The following DTNA variants were observed in gnomAD, a reference collection of about 807,000 sequenced individuals.
DTNA encodes the protein dystrobrevin alpha, also known as dystrophin-related protein 3.
In DTNA, 43 loss-of-function variants were observed where a neutral mutation model predicts 100.7. The observed-to-expected ratio is 0.43, with a 90% CI of 0.33 to 0.55. The LOEUF (loss-of-function observed/expected upper bound fraction) is 0.55, where lower values mean the gene tolerates loss of function less well. Ranked by LOEUF, DTNA falls within the 20% of genes least tolerant of loss-of-function variation. The pLI is 0.04. For missense variants in DTNA, 798 were observed against 953.9 expected, an observed-to-expected ratio of 0.84 and a Z score of 2.15; for synonymous variants, 349 against 347.9, an observed-to-expected ratio of 1.00 and a Z score of -0.04.
chr18:34,744,251 C>T (rs536725941), intron 1 of DTNA, among the ~76,000 whole-genome samples: 23 of 152,200 alleles, frequency 1.5e-4, no homozygotes, highest in African/African-American at 5.3e-4. Flanking sequence ...CACTAAAAAT[C>T]ACCCCAAATA....
intron 1 of DTNA, among the ~76,000 whole-genome samples, chr18:34,500,107 T>G (rs951616411): frequency 2.6e-5 from 4 of 152,116 alleles, no homozygotes; most frequent in African/African-American, 9.7e-5. Flanking sequence ...AACAAAAAAG[T>G]CTTAATGGGA....
At chr18:34,742,474 G>A (rs2090831033) in intron 1 of DTNA, among the ~76,000 whole-genome samples, 1 of 151,958 alleles carries the variant, frequency 6.6e-6, no homozygotes, top group Non-Finnish European at 1.5e-5. Flanking sequence ...AACACTTTAT[G>A]AGAACTCCAA....
At chr18:34,685,221 A>G (rs189141496) in intron 1 of DTNA, among the ~76,000 whole-genome samples, 9 of 152,282 alleles carry the variant, frequency 5.9e-5, no homozygotes, top group Admixed American at 5.9e-4. Flanking sequence ...GCCCATGCCT[A>G]TGTCCTAAAT....
chr18:34,493,925 G>T (rs1262023879), intron 1 of DTNA: 1 of 148,078 alleles, frequency 6.8e-6, no homozygotes, highest in Non-Finnish European at 1.5e-5. Flanking sequence ...GGACTGCGGC[G>T]CGGCGCCTCC....
intron 3 of DTNA, among the ~76,000 whole-genome samples, chr18:34,771,974 A>C (rs1202511387): frequency 6.6e-6 from 1 of 151,890 alleles, no homozygotes; most frequent in African/African-American, 2.4e-5. Flanking sequence ...TTTTTCAGAA[A>C]TTACTTTGGA....
intron 1 of DTNA, chr18:34,574,085 G>A (rs139461898): frequency 4.6e-5 from 7 of 152,608 alleles, no homozygotes; most frequent in African/African-American, 1.7e-4. Flanking sequence ...CAGTGAAGTG[G>A]ATGTTACATA....
intron 11 of DTNA, among the ~76,000 whole-genome samples, chr18:34,837,763 G>A (rs895979107): frequency 6.6e-6 from 1 of 152,134 alleles, no homozygotes; most frequent in Non-Finnish European, 1.5e-5. Context: ...AGGACTTAGT[G>A]AACTATTGGA....
intron 3 of DTNA, among the ~76,000 whole-genome samples, 193 bp downstream of exon 3, chr18:34,766,234 C>T (rs1345288624): frequency 6.6e-6 from 1 of 152,078 alleles, no homozygotes; most frequent in African/African-American, 2.4e-5. Context: ...TCTGAAAATG[C>T]TTAAATACTA....
At chr18:34,676,386 G>C (rs1204140305) in intron 1 of DTNA, among the ~76,000 whole-genome samples, 2 of 152,140 alleles carry the variant, frequency 1.3e-5, no homozygotes, top group Admixed American at 1.3e-4. Flanking sequence ...CTGGTTCCTA[G>C]CTCCAATCCA....
chr18:34,599,737 T>TA (rs1481046711), intron 1 of DTNA, among the ~76,000 whole-genome samples: 3 of 152,078 alleles, frequency 2.0e-5, no homozygotes, highest in African/African-American at 7.2e-5. Flanking sequence ...CAGGCTAGAG[T>TA]ACAGCTGTCA....
At chr18:34,713,664 G>A (rs1051803364) in intron 1 of DTNA, among the ~76,000 whole-genome samples, 2 of 151,718 alleles carry the variant, frequency 1.3e-5, no homozygotes, top group African/African-American at 4.8e-5. Flanking sequence ...TTCCAATTCT[G>A]TGAAGAAAGG....
chr18:34,578,660 G>T (rs1471602257), intron 1 of DTNA, among the ~76,000 whole-genome samples: 2 of 152,070 alleles, frequency 1.3e-5, no homozygotes, highest in Non-Finnish European at 2.9e-5. Context: ...GAGAGATGAG[G>T]ATCTAGTTTC....
chr18:34,518,936 T>A (rs1294650970), intron 1 of DTNA, among the ~76,000 whole-genome samples: 2 of 151,458 alleles, frequency 1.3e-5, no homozygotes, highest in East Asian at 3.9e-4. Flanking sequence ...GCAGGCAGAG[T>A]AGGTGTAAGC....
chr18:34,597,227 C>G (rs992905035), intron 1 of DTNA, among the ~76,000 whole-genome samples: 4 of 152,156 alleles, frequency 2.6e-5, no homozygotes, highest in African/African-American at 9.6e-5. Flanking sequence ...CCTAGCTGGC[C>G]CCTTTCCTTG....
At chr18:34,577,100 G>A (rs1462814254) in intron 1 of DTNA, among the ~76,000 whole-genome samples, 2 of 152,104 alleles carry the variant, frequency 1.3e-5, no homozygotes, top group African/African-American at 4.8e-5. Flanking sequence ...TTTAAACAAT[G>A]ATTATGCGTT....
At chr18:34,742,629 T>TTCTATTATCTATCTAGATAGATGATAA (rs2090878951) in intron 1 of DTNA, among the ~76,000 whole-genome samples, 1 of 137,690 alleles carries the variant, frequency 7.3e-6, no homozygotes, top group Non-Finnish European at 1.6e-5. Flanking sequence ...TCTGATTATC[T>TTCTATTATCTATCTAGATAGATGATAA]TCTATTATCT....
intron 3 of DTNA, among the ~76,000 whole-genome samples, chr18:34,770,625 A>G (rs2093715757): frequency 6.6e-6 from 1 of 152,194 alleles, no homozygotes; most frequent in Non-Finnish European, 1.5e-5. Flanking sequence ...ACAAGAGGCC[A>G]CTGTCACCCA....
intron 3 of DTNA, among the ~76,000 whole-genome samples, chr18:34,787,016 C>T (rs929335392): frequency 5.3e-5 from 8 of 152,048 alleles, no homozygotes; most frequent in Admixed American, 4.6e-4. Flanking sequence ...ATGCAGATTA[C>T]GATTTTCTAG....
chr18:34,749,659 A>G (rs1199741882), intron 1 of DTNA, among the ~76,000 whole-genome samples: 2 of 33,498 alleles, frequency 6.0e-5, no homozygotes, highest in Non-Finnish European at 1.3e-4. Flanking sequence ...TAATAATAAT[A>G]ATAATAATAA....
Sources: allele counts gnomAD v4.1 joint callset (sites outside exome capture counted in the v4.1 genomes callset), GRCh38; gene constraint gnomAD v4.1.1; transcripts MANE v1.5; gene names NCBI Gene and HGNC (gene_info 2026-07-23, HGNC 2026-07-21).